KIDINS220: variants seen among roughly 807,000 people sequenced by gnomAD.
KIDINS220 encodes the protein kinase D-interacting substrate of 220 kDa.
Under a neutral mutation model 157.6 loss-of-function variants are expected in KIDINS220, and 63 were observed. The observed-to-expected ratio is 0.40, with a 90% confidence interval of 0.33 to 0.49. The LOEUF (loss-of-function observed/expected upper bound fraction) is 0.49, where lower values mean the gene tolerates loss of function less well. KIDINS220 is among the 20% of genes least tolerant of loss of function. The pLI is 0.66. For synonymous variants in KIDINS220, 732 were observed against 783.6 expected (o/e 0.93, Z 1.10); for missense variants, 1,772 against 2,171.2 (o/e 0.82, Z 3.65).
chr2:8,833,326 G>A (rs949418750), intron 1 of KIDINS220, among the ~76,000 whole-genome samples: 1 of 152,050 alleles, frequency 6.6e-6, no homozygotes, highest in Non-Finnish European at 1.5e-5. Flanking sequence ...AATATTAGCT[G>A]TTTTACATAA....
In KIDINS220 at chr2:8,779,106, C is replaced by T. The variant is rs750553907; in HGVS notation, c.2404G>A (p.Ala802Thr). 6.2e-7 allele frequency: 1 copy of T among 1,613,740 alleles called. No homozygotes were observed. The highest frequency in any genetic ancestry group is 1.7e-5 in the Admixed American group (1 of 60,014). Residue 802 changes from alanine to threonine, a missense_variant, in exon 19 of 30, where the codon GCC becomes ACC. This residue lies in a region of KIDINS220 where 725 missense variants were observed against 1,017.1 expected (regional missense o/e 0.71). Coordinates refer to ENST00000256707, the MANE Select transcript of KIDINS220 (RefSeq NM_020738.4). ...ATATGTGGATCACTTGCAAAAATGG[C>T]AATGAACGGGCCTTTTGAAAACAGA... Reference protein sequence around the residue: ...RVLFSKGPFIAIFASDPHIII... With the variant: ...RVLFSKGPFITIFASDPHIII...
intron 17 of KIDINS220, among the ~76,000 whole-genome samples, chr2:8,783,156 C>T (rs1358078672): frequency 6.8e-6 from 1 of 148,100 alleles, no homozygotes; most frequent in Non-Finnish European, 1.5e-5. Flanking sequence ...GAGATGGCAC[C>T]ACTGCACTCC....
At chr2:8,736,396 A>G (rs1312430234) in intron 27 of KIDINS220, among the ~76,000 whole-genome samples, 1 of 152,260 alleles carries the variant, frequency 6.6e-6, no homozygotes. Flanking sequence ...GTTTCATCAA[A>G]TGTGACATGA....
intron 2 of KIDINS220, among the ~76,000 whole-genome samples, chr2:8,823,879 G>A (rs1206134419): frequency 6.6e-6 from 1 of 151,776 alleles, no homozygotes; most frequent in African/African-American, 2.4e-5. Flanking sequence ...ATCATTGAAG[G>A]GGGTAATGAT....
rs764670502 is a variant in KIDINS220 at position 8,778,619 on chromosome 2, C to T, written c.2703+20G>A. ...TGAATAGCAATACAAACATACAGCT[C>T]GAAGCCAATGGCATCTTACCCGTCT... On this transcript the variant is annotated intron_variant, in intron 20 of 29. Transcript: ENST00000256707. 2 of 1,524,766 alleles carry T rather than the reference C, an allele frequency of 1.3e-6. No individual in the cohort carries two copies. The highest frequency in any genetic ancestry group is 1.1e-5 in the South Asian group (1 of 89,112). 94.5% of individuals were successfully genotyped at this position (1,524,766 alleles called of 1,614,324 possible).
chr2:8,749,333 A>G, intron 24 of KIDINS220: 2 of 448,276 alleles, frequency 4.5e-6, no homozygotes, highest in Non-Finnish European at 8.9e-6. Flanking sequence ...GAATTAGACT[A>G]AAGAGGGAGA....
intron 22 of KIDINS220, among the ~76,000 whole-genome samples, chr2:8,760,661 C>G (rs1186572260): frequency 6.6e-6 from 1 of 152,060 alleles, no homozygotes; most frequent in Non-Finnish European, 1.5e-5. Context: ...ATGTTTAAAC[C>G]AATTTAGGAT....
chr2:8,825,694 G>A (rs1188441397), intron 2 of KIDINS220: 3 of 152,008 alleles, frequency 2.0e-5, no homozygotes, highest in Admixed American at 1.3e-4. Flanking sequence ...TAAGAGACAG[G>A]GTTGTTTTCC....
At chr2:8,764,965 T>C (rs1347635731) in intron 22 of KIDINS220, among the ~76,000 whole-genome samples, 1 of 152,132 alleles carries the variant, frequency 6.6e-6, no homozygotes, top group Non-Finnish European at 1.5e-5. Flanking sequence ...CTATGGCCAG[T>C]GTTATGAAAG....
At chr2:8,836,572 T>C (rs1006909010) in intron 1 of KIDINS220, among the ~76,000 whole-genome samples, 4 of 152,232 alleles carry the variant, frequency 2.6e-5, no homozygotes, top group Non-Finnish European at 2.9e-5. Context: ...AAAATGATTC[T>C]GATGAAAGTA....
chr2:8,757,137 A>T, intron 22 of KIDINS220: 3 of 408,906 alleles, frequency 7.3e-6, no homozygotes, highest in Non-Finnish European at 9.9e-6. Flanking sequence ...AAAAAGAGTT[A>T]AGATATTTAC....
chr2:8,738,595 C>A (rs187496503), intron 26 of KIDINS220, among the ~76,000 whole-genome samples: 1 of 152,102 alleles, frequency 6.6e-6, no homozygotes, highest in Non-Finnish European at 1.5e-5. Flanking sequence ...CTTGTAATCA[C>A]GAGGAAACAT....
At position 8,789,981 on chromosome 2, in the gene KIDINS220, A is replaced by G. The variant is rs201460104; in HGVS notation, c.1520T>C (p.Leu507Pro). The G allele has an allele frequency of 3.3e-5, 53 of 1,613,748 alleles. No homozygotes were observed. Among genetic ancestry groups the G allele is most frequent in the Admixed American group, 1.2e-4 (7 of 59,952 alleles). ...FSWLIVFLTL[L>P]LCGGLGLLFA... is the part of the protein sequence containing the mutation. ...CAATAAACCAAGCCCTCCACAAAGT[A>G]GCAGGGTAAGAAACACTATGAGCCA... The change falls in exon 14 of 30, where the codon CTA (leucine) becomes CCA (proline). Residue 507 changes from leucine to proline, a missense_variant. Transcript: ENST00000256707.
Position 8,731,893 on chromosome 2 carries a change from G to C in KIDINS220, c.4143C>G (p.Ala1381=). The C allele has an allele frequency of 6.2e-7, 1 of 1,613,854 alleles. No individual in the cohort carries two copies. Among genetic ancestry groups the C allele is most frequent in the South Asian group, 1.1e-5 (1 of 90,986 alleles). ...EISKLTDKVQ[A]EYRDAYREYI... ...ATTCTCTATAGGCATCTCTATACTCGGCCTGCACCTTATCAGTAAGCTTTG... is the reference window on the plus strand; with the variant it reads ...ATTCTCTATAGGCATCTCTATACTCCGCCTGCACCTTATCAGTAAGCTTTG... The change falls in exon 30 of 30, where the codon GCC becomes GCG. Residue 1381 remains alanine (A), a synonymous_variant. Transcript: ENST00000256707. The surrounding 1 kb of genome is among the most constrained non-coding windows in gnomAD (Gnocchi z 5.2).
At chr2:8,740,350 T>C (rs1391482301) in intron 26 of KIDINS220, among the ~76,000 whole-genome samples, 1 of 152,168 alleles carries the variant, frequency 6.6e-6, no homozygotes, top group Non-Finnish European at 1.5e-5. Context: ...CACACATGCA[T>C]GCACACACAC....
At chr2:8,752,675 A>C (rs890306255) in intron 22 of KIDINS220, among the ~76,000 whole-genome samples, 2 of 152,222 alleles carry the variant, frequency 1.3e-5, no homozygotes, top group Non-Finnish European at 2.9e-5. Flanking sequence ...CAAAGAAAAC[A>C]AGAAATCAAG....
intron 26 of KIDINS220, among the ~76,000 whole-genome samples, chr2:8,745,431 C>T (rs1666405142): frequency 6.6e-6 from 1 of 152,158 alleles, no homozygotes; most frequent in South Asian, 2.1e-4. Context: ...TAATCATCAA[C>T]CTCTCAACGA....
chr2:8,792,984 CATATT>C (rs1428856199), intron 12 of KIDINS220, among the ~76,000 whole-genome samples: 2 of 152,040 alleles, frequency 1.3e-5, no homozygotes, highest in South Asian at 2.1e-4. Context: ...GCTTTTGTAA[CATATT>C]ATAACTCAAT....
chr2:8,782,201 T>C (rs1249868979), intron 17 of KIDINS220, among the ~76,000 whole-genome samples: 2 of 151,928 alleles, frequency 1.3e-5, no homozygotes, highest in East Asian at 3.9e-4. Flanking sequence ...AAATCCAAAG[T>C]AATCAGAAGA....
Sources: gnomAD v4.1 joint callset for allele counts (sites outside exome capture counted in the v4.1 genomes callset) on GRCh38, gnomAD v4.1.1 for gene constraint, gnomAD v4.1.1 regional missense constraint, Gnocchi (gnomAD v3.1) non-coding constraint, MANE v1.5 for transcripts, NCBI Gene and HGNC (gene_info 2026-07-23, HGNC 2026-07-21) for gene names.